The following DLGAP1 variants were observed in gnomAD, a reference collection of about 807,000 sequenced individuals.
DLGAP1 encodes disks large-associated protein 1.
A neutral mutation model predicts 90.8 loss-of-function variants in DLGAP1; 11 were observed. The observed-to-expected ratio is 0.12, with a 90% CI of 0.08 to 0.20. The LOEUF (loss-of-function observed/expected upper bound fraction) is 0.20. Among genes scored for constraint, DLGAP1 ranks in the 10% least tolerant of loss-of-function variants. The pLI, the probability that DLGAP1 is intolerant of heterozygous loss-of-function variation, is 1.00. For missense variants in DLGAP1, 1,050 were observed against 1,333.8 expected, an observed-to-expected ratio of 0.79 and a Z score of 3.31; for synonymous variants, 558 against 540.7, an observed-to-expected ratio of 1.03 and a Z score of -0.44.
intron 1 of DLGAP1, among the ~76,000 whole-genome samples, chr18:4,171,621 A>G (rs2144589974): frequency 6.6e-6 from 1 of 152,248 alleles, no homozygotes; most frequent in East Asian, 1.9e-4. Context: ...ATTGAGATGA[A>G]AAGCCCACTC....
chr18:4,084,790 C>T lies in DLGAP1; in HGVS notation c.-159+66390G>A, dbSNP rs539155062. ...ATGCAACACTTATTAAATATATTAG[C>T]ATGCTTTTCTCCTATCAATCTGTCT... is the stretch of plus-strand genomic sequence containing the variant. On this transcript the variant is annotated intron_variant, in intron 2 of 12. Transcript: ENST00000315677. The surrounding 1 kb of genome is among the most constrained non-coding windows in gnomAD (Gnocchi z 4.0). 6.6e-6 allele frequency among the ~76,000 whole-genome samples: 1 copy of T among 152,300 alleles called. No homozygotes were observed. The highest frequency in any genetic ancestry group is 2.4e-5 in the African/African-American group (1 of 41,562).
intron 5 of DLGAP1, among the ~76,000 whole-genome samples, chr18:3,779,955 T>G (rs2065116325): frequency 2.0e-5 from 3 of 151,998 alleles, no homozygotes; most frequent in Admixed American, 6.6e-5. Flanking sequence ...CAGCTAATTT[T>G]TGTATTTTTT....
intron 1 of DLGAP1, among the ~76,000 whole-genome samples, chr18:4,248,401 A>G (rs1289116921): frequency 1.3e-5 from 2 of 152,174 alleles, no homozygotes; most frequent in Non-Finnish European, 2.9e-5. Flanking sequence ...ATCCTGATGT[A>G]CAGCTTTCTT....
At chr18:3,894,523 G>C (rs1425752991) in intron 3 of DLGAP1, among the ~76,000 whole-genome samples, 1 of 152,000 alleles carries the variant, frequency 6.6e-6, no homozygotes, top group Non-Finnish European at 1.5e-5. Context: ...TTGTTTCTGG[G>C]TTTTGTTTTT....
At chr18:4,037,514 C>G (rs1258295040) in intron 2 of DLGAP1, among the ~76,000 whole-genome samples, 1 of 152,076 alleles carries the variant, frequency 6.6e-6, no homozygotes, top group Non-Finnish European at 1.5e-5. Flanking sequence ...ATTTTTTATT[C>G]AGTTATAATT....
chr18:4,123,280 G>A (rs1429410433), intron 2 of DLGAP1, among the ~76,000 whole-genome samples: 1 of 152,048 alleles, frequency 6.6e-6, no homozygotes, highest in Non-Finnish European at 1.5e-5. Context: ...TCCAGGTGCA[G>A]GAAAGGAGAA....
At chr18:3,613,617 T>A (rs982413469) in intron 7 of DLGAP1, among the ~76,000 whole-genome samples, 2 of 152,218 alleles carry the variant, frequency 1.3e-5, no homozygotes, top group Non-Finnish European at 2.9e-5. Flanking sequence ...ATTACAGGCA[T>A]GAGCCTGGCT....
intron 1 of DLGAP1, among the ~76,000 whole-genome samples, chr18:4,361,206 A>G (rs150250328): frequency 5.9e-5 from 9 of 152,308 alleles, no homozygotes; most frequent in Non-Finnish European, 1.0e-4. Flanking sequence ...TATTTTATTG[A>G]TATGTGCAAA....
At chr18:4,188,116 T>G (rs570471958) in intron 1 of DLGAP1, among the ~76,000 whole-genome samples, 26 of 152,268 alleles carry the variant, frequency 1.7e-4, no homozygotes, top group African/African-American at 5.3e-4. Context: ...TATCTTTCCC[T>G]CCTTGTTTTT....
At chr18:4,392,790 A>T (rs2082365456) in intron 1 of DLGAP1, among the ~76,000 whole-genome samples, 1 of 152,130 alleles carries the variant, frequency 6.6e-6, no homozygotes, top group South Asian at 2.1e-4. Flanking sequence ...TGGGTGTCTC[A>T]AAGACGCTGC....
chr18:4,398,773 A>C (rs755306163), intron 1 of DLGAP1, among the ~76,000 whole-genome samples: 1 of 152,130 alleles, frequency 6.6e-6, no homozygotes, highest in African/African-American at 2.4e-5. Flanking sequence ...ACCTGGAAGA[A>C]TTTTTAGAGT....
At chr18:4,093,624 C>T (rs921201683) in intron 2 of DLGAP1, among the ~76,000 whole-genome samples, 2 of 151,814 alleles carry the variant, frequency 1.3e-5, no homozygotes, top group African/African-American at 4.8e-5. Flanking sequence ...CAACTTTGTA[C>T]AATAAGGAGG....
chr18:4,195,159 A>G (rs941244725), intron 1 of DLGAP1, among the ~76,000 whole-genome samples: 3 of 152,170 alleles, frequency 2.0e-5, no homozygotes, highest in Admixed American at 6.5e-5. Context: ...TTAGAATACT[A>G]CAGTTTTATC....
chr18:3,752,345 A>G (rs570988823), intron 5 of DLGAP1, among the ~76,000 whole-genome samples: 91 of 152,118 alleles, frequency 6.0e-4, no homozygotes, highest in African/African-American at 1.4e-3. Context: ...TCTTATGCCC[A>G]TTATAGTCAC....
intron 2 of DLGAP1, among the ~76,000 whole-genome samples, chr18:4,010,982 C>T (rs1157290983): frequency 1.3e-5 from 2 of 151,754 alleles, no homozygotes; most frequent in Non-Finnish European, 2.9e-5. Context: ...TTGAGACCAG[C>T]CCGACTAACA....
chr18:4,392,485 CAAGAAAAA>C (rs2082358981), intron 1 of DLGAP1, among the ~76,000 whole-genome samples: 1 of 151,704 alleles, frequency 6.6e-6, no homozygotes, highest in East Asian at 1.9e-4. Context: ...TCAGATGCTC[CAAGAAAAA>C]AAAGGAATTT....
intron 1 of DLGAP1, among the ~76,000 whole-genome samples, chr18:4,303,603 T>G (rs981227006): frequency 6.6e-6 from 1 of 152,176 alleles, no homozygotes; most frequent in Non-Finnish European, 1.5e-5. Flanking sequence ...TGGCCAATGT[T>G]AATTTAGAAG....
intron 2 of DLGAP1, among the ~76,000 whole-genome samples, chr18:4,051,822 A>G (rs114943227): frequency 0.011 from 1,658 of 152,334 alleles, 32 homozygotes; most frequent in African/African-American, 0.038. Flanking sequence ...CTTCCTAGAT[A>G]CAAGTGGGGT....
At chr18:3,681,352 C>T (rs1896768506) in intron 7 of DLGAP1, among the ~76,000 whole-genome samples, 1 of 152,190 alleles carries the variant, frequency 6.6e-6, no homozygotes, top group African/African-American at 2.4e-5. Context: ...ACTATGCTTA[C>T]AGTCCACAGA....
Sources: allele counts gnomAD v4.1 joint callset (sites outside exome capture counted in the v4.1 genomes callset), GRCh38; gene constraint gnomAD v4.1.1; non-coding constraint Gnocchi (gnomAD v3.1); transcripts MANE v1.5; gene names NCBI Gene and HGNC (gene_info 2026-07-23, HGNC 2026-07-21).